The following PABIR2 variants were observed in gnomAD, a reference collection of about 807,000 sequenced individuals.
PABIR2 encodes the protein family with sequence similarity 122B.
A neutral mutation model predicts 22.8 loss-of-function variants in PABIR2; 7 were observed. That is an observed-to-expected ratio of 0.31 (90% confidence interval 0.17 to 0.58). PABIR2 has a LOEUF of 0.58. Ranked by LOEUF, PABIR2 falls within the 20% of genes least tolerant of loss-of-function variation. The probability of loss-of-function intolerance (pLI) is 0.89; values close to 1 mark genes in which losing one functional copy is unlikely to be tolerated. For synonymous variants in PABIR2, 67 were observed against 73.8 expected (o/e 0.91, Z 0.47); for missense variants, 155 against 205.1 (o/e 0.76, Z 1.49).
rs1413085591 is a variant in PABIR2, at chrX:134,771,890, T to C, written c.*249A>G. 1 of 929,033 alleles carries C rather than the reference T, an allele frequency of 1.1e-6. No homozygotes were observed. The highest frequency in any genetic ancestry group is 2.1e-5 in the African/African-American group (1 of 48,518). The allele number at this position is 929,033 out of a possible 1,213,427, so 76.6% of individuals were successfully genotyped here. On this transcript the variant is annotated 3_prime_UTR_variant, in exon 10 of 10. Transcript: ENST00000343004. ...TAAGAAAAAAGATTCCTCTAAGCAA[T>C]CAAAAATCAGCATTTGAGATTTAAT...
At chrX:134,787,316 T>C (rs1310738712) in intron 7 of PABIR2, among the ~76,000 whole-genome samples, 156 bp downstream of exon 7, 1 of 109,843 alleles carries the variant, frequency 9.1e-6, no homozygotes. Context: ...GCCAAGCTGG[T>C]CTTGAACTCT....
chrX:134,785,992 C>T (rs772060677), intron 7 of PABIR2, 42 bp from the exon 8 acceptor site: 9 of 1,141,066 alleles, frequency 7.9e-6, no homozygotes, highest in East Asian at 3.0e-5. Context: ...AGAACATCCA[C>T]GATGCAAGAT....
chrX:134,793,959 C>A, intron 1 of PABIR2, 66 bp from the exon 2 acceptor site: 1 of 1,165,625 alleles, frequency 8.6e-7, no homozygotes, highest in South Asian at 2.0e-5. Flanking sequence ...TGGAAGATCT[C>A]TTTCAAATAC....
rs529295440 is a variant in PABIR2 at position 134,784,817 on chromosome X, T to G, written c.562+1069A>C. Among the ~76,000 whole-genome samples the G allele has an allele frequency of 9.9e-5, 11 of 111,176 alleles. No homozygotes were observed. The East Asian group carries it at 2.6e-3, about 26-fold the overall frequency. ...GCCCTTTATAAGCATCTAACACTAG[T>G]GTTGACTGATACTAAACTAAACTAT... is the stretch of plus-strand genomic sequence containing the variant. On this transcript the variant is annotated intron_variant, in intron 8 of 9. Transcript: ENST00000343004.
intron 6 of PABIR2, 151 bp from the exon 7 acceptor site, chrX:134,787,684 T>C (rs2079378920): frequency 6.1e-6 from 3 of 492,740 alleles, no homozygotes; most frequent in Admixed American, 4.4e-5. Context: ...GATGCGATCA[T>C]AGCTTACTGC....
intron 6 of PABIR2, among the ~76,000 whole-genome samples, chrX:134,788,455 A>G (rs1389047342): frequency 9.4e-6 from 1 of 105,951 alleles, no homozygotes; most frequent in Non-Finnish European, 1.9e-5. Flanking sequence ...TGTGTTATAT[A>G]TGTTATATAT....
chrX:134,787,458 T>C lies in PABIR2; in HGVS notation c.497+14A>G. On this transcript the variant is annotated intron_variant, in intron 7 of 9. Transcript: ENST00000343004. The stretch of plus-strand genomic sequence containing the variant: ...ATGGTACTTCAACCACATTTAAAAT[T>C]CAAGTTTGCTTACCTTGAAAATCGT... 1 of 1,206,075 alleles carries C rather than the reference T, an allele frequency of 8.3e-7. No individual in the cohort carries two copies. Among genetic ancestry groups the C allele is most frequent in the Non-Finnish European group, 1.1e-6 (1 of 891,302 alleles).
chrX:134,774,683 C>T (rs2078921532), intron 9 of PABIR2, among the ~76,000 whole-genome samples: 1 of 111,497 alleles, frequency 9.0e-6, no homozygotes, highest in South Asian at 3.7e-4. Flanking sequence ...AATGTCTTCC[C>T]TATTATTAAA....
In PABIR2 at chrX:134,783,487, G is replaced by A. The variant is rs1249245437; in HGVS notation, c.563-1570C>T. ...CACGCCTGTAATCCCAGCATTTTGG[G>A]AGGCCGAGGCAGGCAATCACCTGAA... is the stretch of plus-strand genomic sequence containing the variant. On this transcript the variant is annotated intron_variant, in intron 8 of 9. Transcript: ENST00000343004. 2.7e-5 allele frequency among the ~76,000 whole-genome samples: 3 copies of A among 112,362 alleles called. No individual in the cohort carries two copies. In the Admixed American group the frequency reaches 2.8e-4, roughly 11 times the overall value.
intron 8 of PABIR2, 113 bp downstream of exon 8, chrX:134,785,773 C>A: frequency 1.4e-6 from 1 of 738,930 alleles, no homozygotes; most frequent in Admixed American, 2.5e-5. Context: ...TCTTTTGCTT[C>A]ACCTAGTTAC....
intron 1 of PABIR2, chrX:134,794,129 G>C (rs1470792082): frequency 3.8e-6 from 2 of 529,797 alleles, no homozygotes; most frequent in Non-Finnish European, 4.6e-6. Context: ...GGGGCAGCTG[G>C]GAGAGGTGAT....
intron 8 of PABIR2, 97 bp downstream of exon 8, chrX:134,785,789 G>A (rs942620661): frequency 2.5e-5 from 21 of 849,928 alleles, no homozygotes; most frequent in African/African-American, 8.0e-5. Context: ...GTTACCTTTC[G>A]TATGTGTGTG....
rs1307977046 is a variant in PABIR2 at position 134,793,674 on chromosome X, G to A, written c.177+141C>T. ...TGGTACCAAAAGCTGAATGGCCACA[G>A]CATAAGCAGTAAACAACATAGGTAA... On this transcript the variant is annotated intron_variant, in intron 2 of 9. Coordinates refer to ENST00000343004, the MANE Select transcript of PABIR2 (RefSeq NM_001387468.1). The A allele has an allele frequency of 1.3e-5, 10 of 774,977 alleles. No individual in the cohort carries two copies. The Admixed American group carries it at 2.6e-4, about 20-fold the overall frequency. 63.9% of individuals were successfully genotyped at this position (774,977 alleles called of 1,213,427 possible).
At chrX:134,787,145 G>A (rs1187585728) in intron 7 of PABIR2, among the ~76,000 whole-genome samples, 3 of 104,897 alleles carry the variant, frequency 2.9e-5, no homozygotes, top group Non-Finnish European at 5.9e-5. Context: ...TGTTGCCCAG[G>A]CTGGAGTATA....
intron 9 of PABIR2, 72 bp downstream of exon 9, chrX:134,781,749 T>A: frequency 1.4e-6 from 1 of 689,790 alleles, no homozygotes; most frequent in Non-Finnish European, 2.0e-6. Flanking sequence ...ATTATCCCAA[T>A]ATACTTTCAA....
rs1174242507 is a variant in PABIR2, at chrX:134,789,225, T to G, written c.276A>C (p.Glu92Asp). The change falls in exon 4 of 10, where the codon GAA becomes GAC. Residue 92 changes from glutamate (E) to aspartate (D), a missense_variant and splice_region_variant. Transcript: ENST00000343004. ...LDMVNRETAH[E>D]REMQTAMQIS... ...CCCTGCTCTTGCAAAGCACTAACCT[T>G]TCATGTGCAGTTTCTCTGTTCACCA... The G allele has an allele frequency of 8.3e-7, 1 of 1,210,788 alleles. No homozygotes were observed. The highest frequency in any genetic ancestry group is 1.1e-6 in the Non-Finnish European group (1 of 895,430).
intron 6 of PABIR2, among the ~76,000 whole-genome samples, chrX:134,788,099 ACAC>A (rs962595043): frequency 9.8e-6 from 1 of 101,796 alleles, no homozygotes; most frequent in African/African-American, 3.5e-5. Context: ...TGTAATATAT[ACAC>A]GTTATATATG....
intron 6 of PABIR2, among the ~76,000 whole-genome samples, chrX:134,788,050 A>AAT (rs1340365759): frequency 2.8e-5 from 3 of 107,912 alleles, no homozygotes; most frequent in South Asian, 3.8e-4. Flanking sequence ...ATATATATGT[A>AAT]ATATACACGT....
chrX:134,795,162 C>G (rs943225586), intron 1 of PABIR2, among the ~76,000 whole-genome samples: 2 of 111,861 alleles, frequency 1.8e-5, no homozygotes, highest in Non-Finnish European at 3.8e-5. Context: ...CAAAATTATA[C>G]TTAATAAATG....
Sources: gnomAD v4.1 joint callset for allele counts (sites outside exome capture counted in the v4.1 genomes callset) on GRCh38, gnomAD v4.1.1 for gene constraint, MANE v1.5 for transcripts, NCBI Gene and HGNC (gene_info 2026-07-23, HGNC 2026-07-21) for gene names.